PCED1B: variants seen among roughly 807,000 people sequenced by gnomAD.
PCED1B encodes the protein PC-esterase domain-containing protein 1B.
For synonymous variants in PCED1B, 251 were observed against 246.1 expected (o/e 1.02, Z -0.19); for missense variants, 573 against 573.9 (o/e 1.00, Z 0.02).
intron 2 of PCED1B, among the ~76,000 whole-genome samples, chr12:47,131,095 A>G (rs942754608): frequency 4.6e-5 from 7 of 152,350 alleles, no homozygotes; most frequent in Admixed American, 4.6e-4. Flanking sequence ...AATTTGAGTT[A>G]CTTTTATAAT....
Position 47,152,272 on chromosome 12 carries a change from G to A in PCED1B, c.-526+48077G>A, listed in dbSNP as rs1941021605. Among the ~76,000 whole-genome samples the A allele has an allele frequency of 2.0e-5, 3 of 152,082 alleles. No homozygotes were observed. In the South Asian group the frequency reaches 6.2e-4, roughly 32 times the overall value. On this transcript the variant is annotated intron_variant, in intron 2 of 3. Transcript: ENST00000546455. Reference sequence around the variant, plus strand: ...ATTCCAGGTGGAGAAACCTGGCCAAGACCACATTAACCAAAGTCAATATTA... The same window carrying A: ...ATTCCAGGTGGAGAAACCTGGCCAAAACCACATTAACCAAAGTCAATATTA...
At chr12:47,106,586 C>T (rs116627749) in intron 2 of PCED1B, among the ~76,000 whole-genome samples, 1,674 of 152,236 alleles carry the variant, frequency 0.011, 41 homozygotes, top group African/African-American at 0.039. Flanking sequence ...TCTGTCATCC[C>T]AGGCCCCAGA....
chr12:47,130,002 A>AC (rs1940056778), intron 2 of PCED1B, among the ~76,000 whole-genome samples: 1 of 152,168 alleles, frequency 6.6e-6, no homozygotes, highest in African/African-American at 2.4e-5. Flanking sequence ...TAAGACTCTG[A>AC]CTTCCTTGTT....
chr12:47,083,570 C>T (rs1431912291), intron 1 of PCED1B, among the ~76,000 whole-genome samples: 1 of 152,174 alleles, frequency 6.6e-6, no homozygotes, highest in Non-Finnish European at 1.5e-5. Context: ...TGGCCTGCTC[C>T]AGTTGGTTTT....
chr12:47,100,931 T>C (rs1391399326), intron 1 of PCED1B, among the ~76,000 whole-genome samples: 1 of 152,026 alleles, frequency 6.6e-6, no homozygotes, highest in Non-Finnish European at 1.5e-5. Flanking sequence ...TAGCCGGGCA[T>C]GGTGATGCAT....
chr12:47,180,997 T>C lies in PCED1B; in HGVS notation c.-525-35225T>C, dbSNP rs201169743. Among the ~76,000 whole-genome samples the C allele has an allele frequency of 0.013, 172 of 12,898 alleles. 1 individual carries two copies. In the East Asian group the frequency reaches 0.24, roughly 18 times the overall value. The allele number at this position is 12,898 out of a possible 152,430, so 8.5% of individuals were successfully genotyped here. A position where few individuals can be genotyped will look rare whatever the true frequency, so the allele number is the denominator to read the frequency against. On this transcript the variant is annotated intron_variant, in intron 2 of 3. Coordinates refer to ENST00000546455, the MANE Select transcript of PCED1B (RefSeq NM_138371.3). ...TATTTTCAACTGTATTCTCTTTTTC[T>C]TTCTTTTTTTTTTTTTGAGACAAAG...
intron 2 of PCED1B, among the ~76,000 whole-genome samples, chr12:47,167,698 C>T (rs897667684): frequency 3.9e-5 from 6 of 152,156 alleles, no homozygotes; most frequent in Non-Finnish European, 5.9e-5. Context: ...GATCGAATTA[C>T]TTAAGATAAT....
At position 47,135,618 on chromosome 12, in the gene PCED1B, A is replaced by G. The variant is rs562010139; in HGVS notation, c.-526+31423A>G. 156 of 501,040 alleles carry G rather than the reference A, an allele frequency of 3.1e-4. 1 individual carries two copies. The highest frequency in any genetic ancestry group is 4.8e-4 in the Admixed American group (23 of 47,634). The allele number at this position is 501,040 out of a possible 1,614,324, so 31.0% of individuals were successfully genotyped here. The stretch of plus-strand genomic sequence containing the variant: ...AGGCCTGGGCCCCAGTCAGGTCACC[A>G]ACCATCTTCCTGTCCATAGACTTCC... On this transcript the variant is annotated intron_variant, in intron 2 of 3. Transcript: ENST00000546455.
At chr12:47,226,078 C>T (rs1036443175) in intron 3 of PCED1B, among the ~76,000 whole-genome samples, 1 of 152,116 alleles carries the variant, frequency 6.6e-6, no homozygotes, top group Non-Finnish European at 1.5e-5. Flanking sequence ...TTTATTGTGG[C>T]AGTAGACATT....
At chr12:47,189,887 G>A (rs1381066656) in intron 2 of PCED1B, among the ~76,000 whole-genome samples, 1 of 152,166 alleles carries the variant, frequency 6.6e-6, no homozygotes, top group Non-Finnish European at 1.5e-5. Flanking sequence ...CAAAACCTCA[G>A]CATAACTTCT....
intron 1 of PCED1B, among the ~76,000 whole-genome samples, chr12:47,089,986 TG>T (rs1281950897): frequency 6.6e-6 from 1 of 152,176 alleles, no homozygotes; most frequent in African/African-American, 2.4e-5. Flanking sequence ...TTGGCCAGGC[TG>T]GTCTCAAACC....
intron 2 of PCED1B, among the ~76,000 whole-genome samples, chr12:47,147,309 G>C (rs192333230): frequency 6.6e-6 from 1 of 152,200 alleles, no homozygotes; most frequent in Non-Finnish European, 1.5e-5. Flanking sequence ...GAGCCACTGT[G>C]CCTGGCCTCA....
intron 1 of PCED1B, among the ~76,000 whole-genome samples, chr12:47,103,453 C>A (rs1525454): frequency 0.37 from 56,028 of 152,008 alleles, 11,218 homozygotes; most frequent in Admixed American, 0.52. Context: ...GATGAAGTCA[C>A]GAGTTGCACA....
chr12:47,172,434 A>T (rs1400915779), intron 2 of PCED1B, among the ~76,000 whole-genome samples: 1 of 145,944 alleles, frequency 6.9e-6, no homozygotes. Flanking sequence ...GCACCATGGC[A>T]CATGGCACTC....
intron 2 of PCED1B, among the ~76,000 whole-genome samples, chr12:47,133,861 G>A (rs899309041): frequency 2.6e-4 from 40 of 152,146 alleles, no homozygotes; most frequent in African/African-American, 8.0e-4. Flanking sequence ...TTAGGCTCTA[G>A]CCTCATGAAT....
chr12:47,153,458 T>C (rs1379439096), intron 2 of PCED1B, among the ~76,000 whole-genome samples: 3 of 152,156 alleles, frequency 2.0e-5, no homozygotes, highest in South Asian at 2.1e-4. Context: ...TGATTTGATA[T>C]ACATATTTAA....
chr12:47,205,381 T>C (rs924159914), intron 2 of PCED1B, among the ~76,000 whole-genome samples: 1 of 152,214 alleles, frequency 6.6e-6, no homozygotes, highest in South Asian at 2.1e-4. Context: ...AGGTTCAGAA[T>C]CCTGCAGCCT....
At chr12:47,209,318 G>T (rs1182027381) in intron 2 of PCED1B, 2 of 152,278 alleles carry the variant, frequency 1.3e-5, no homozygotes, top group Non-Finnish European at 2.9e-5. Context: ...CTGAGGTAAG[G>T]TGTTCGAGAC....
intron 2 of PCED1B, among the ~76,000 whole-genome samples, chr12:47,186,473 G>T (rs184978885): frequency 6.7e-6 from 1 of 149,448 alleles, no homozygotes; most frequent in Admixed American, 6.6e-5. Context: ...TTACTGGTAG[G>T]GGGGTAGAGG....
Sources: allele counts gnomAD v4.1 joint callset (sites outside exome capture counted in the v4.1 genomes callset), GRCh38; gene constraint gnomAD v4.1.1; transcripts MANE v1.5; gene names NCBI Gene and HGNC (gene_info 2026-07-23, HGNC 2026-07-21).